SMURF1: variants seen among roughly 807,000 people sequenced by gnomAD.
The protein encoded by SMURF1 is E3 ubiquitin-protein ligase SMURF1.
Under a neutral mutation model 98.0 loss-of-function variants are expected in SMURF1, and 44 were observed. The observed-to-expected ratio is 0.45, with a 90% CI of 0.35 to 0.58. The LOEUF is 0.58. Ranked by LOEUF, SMURF1 falls within the 20% of genes least tolerant of loss-of-function variation. The pLI, the probability that SMURF1 is intolerant of heterozygous loss-of-function variation, is 0.00. For missense variants in SMURF1, 687 were observed against 938.4 expected (o/e 0.73, Z 3.50); for synonymous variants, 396 against 374.9 (o/e 1.06, Z -0.65).
rs1023998335 is a variant in SMURF1 at position 99,034,267 on chromosome 7, G to A, written c.2012-1146C>T. ...CCCACAGCACCAGCACTCCCTGTTC[G>A]GGACTGTGACCCTGGTCACCTCTGA... On this transcript the variant is annotated intron_variant, in intron 16 of 17. Transcript: ENST00000361368. Among the ~76,000 whole-genome samples, 7 of 152,196 alleles carry A rather than the reference G, an allele frequency of 4.6e-5. No individual in the cohort carries two copies. In the South Asian group the frequency reaches 1.0e-3, roughly 23 times the overall value.
At chr7:99,101,029 T>C (rs1452340767) in intron 1 of SMURF1, among the ~76,000 whole-genome samples, 2 of 152,230 alleles carry the variant, frequency 1.3e-5, no homozygotes, top group East Asian at 3.8e-4. Context: ...TTCGATAAGT[T>C]TTCCAGCCAT....
Position 99,138,907 on chromosome 7 carries a change from A to G in SMURF1, c.55+4819T>C, listed in dbSNP as rs184957439. On this transcript the variant is annotated intron_variant, in intron 1 of 17. Transcript: ENST00000361368. ...CCCATCCTACACCTTCCAATAATTCATCTCAAAGAACTGCCTTAACTGTAT... is the reference window on the plus strand; with the variant it reads ...CCCATCCTACACCTTCCAATAATTCGTCTCAAAGAACTGCCTTAACTGTAT... Among the ~76,000 whole-genome samples the G allele has an allele frequency of 1.6e-4, 25 of 152,334 alleles. No individual in the cohort carries two copies. In the East Asian group the frequency reaches 4.8e-3, roughly 29 times the overall value.
At chr7:99,124,688 C>T (rs1169613466) in intron 1 of SMURF1, among the ~76,000 whole-genome samples, 1 of 151,682 alleles carries the variant, frequency 6.6e-6, no homozygotes, top group African/African-American at 2.4e-5. Context: ...TACTAACTTA[C>T]CATTGACTGG....
chr7:99,042,058 A>C, intron 12 of SMURF1, 60 bp downstream of exon 12: 1 of 1,345,844 alleles, frequency 7.4e-7, no homozygotes. Context: ...AATGAAACTG[A>C]AAATCCATCT....
intron 13 of SMURF1, among the ~76,000 whole-genome samples, chr7:99,040,045 A>G (rs1795311367): frequency 6.6e-6 from 1 of 152,198 alleles, no homozygotes. Context: ...AAGGAAACAA[A>G]AGAAACTAGT....
chr7:99,099,860 C>G (rs191471010), intron 1 of SMURF1, among the ~76,000 whole-genome samples: 1 of 152,262 alleles, frequency 6.6e-6, no homozygotes, highest in Admixed American at 6.5e-5. Flanking sequence ...TCCCCAGATG[C>G]AAATGCTCAG....
intron 11 of SMURF1, among the ~76,000 whole-genome samples, chr7:99,043,364 C>T (rs770936675): frequency 6.6e-6 from 1 of 152,152 alleles, no homozygotes; most frequent in Admixed American, 6.5e-5. Flanking sequence ...ATCTCTCCAC[C>T]GTTCTCTAAG....
intron 15 of SMURF1, 105 bp downstream of exon 15, chr7:99,036,962 G>T: frequency 6.4e-7 from 1 of 1,556,818 alleles, no homozygotes; most frequent in Non-Finnish European, 8.8e-7. Flanking sequence ...CAGCTCCTAG[G>T]CTTACTAGAA....
chr7:99,080,936 G>C (rs1005980613), intron 1 of SMURF1: 4 of 152,222 alleles, frequency 2.6e-5, no homozygotes, highest in African/African-American at 9.7e-5. Flanking sequence ...AGAGGAGCAG[G>C]TAAGAGATCT....
chr7:99,135,432 T>C (rs1797967563), intron 1 of SMURF1, among the ~76,000 whole-genome samples: 1 of 152,254 alleles, frequency 6.6e-6, no homozygotes, highest in Non-Finnish European at 1.5e-5. Flanking sequence ...TCGTATTCTA[T>C]ACAGACCTAT....
chr7:99,040,299 G>C, intron 13 of SMURF1, 79 bp downstream of exon 13: 1 of 1,290,988 alleles, frequency 7.7e-7, no homozygotes, highest in Non-Finnish European at 1.0e-6. Context: ...ACACACGCGC[G>C]CGCGCGCGCA....
At chr7:99,120,821 A>C (rs1158387664) in intron 1 of SMURF1, 15 of 151,538 alleles carry the variant, frequency 9.9e-5, no homozygotes, top group Admixed American at 9.9e-4. Context: ...AAAAAAAAAA[A>C]CAACTTTAAA....
chr7:99,053,416 G>C (rs1301476639), intron 6 of SMURF1, among the ~76,000 whole-genome samples: 1 of 151,638 alleles, frequency 6.6e-6, no homozygotes, highest in East Asian at 1.9e-4. Flanking sequence ...CCATTATCAT[G>C]ACTAAAAAAT....
At chr7:99,083,297 T>C (rs1165184503) in intron 1 of SMURF1, among the ~76,000 whole-genome samples, 3 of 152,216 alleles carry the variant, frequency 2.0e-5, no homozygotes, top group East Asian at 3.8e-4. Context: ...CATTTTGTAC[T>C]GTTCCATTTA....
chr7:99,125,566 G>A (rs914322403), intron 1 of SMURF1, among the ~76,000 whole-genome samples: 6 of 152,118 alleles, frequency 3.9e-5, no homozygotes, highest in Admixed American at 1.3e-4. Flanking sequence ...ATTAGGTGTC[G>A]CTCTGTGTCA....
chr7:99,066,151 C>T (rs1316121793), intron 1 of SMURF1, among the ~76,000 whole-genome samples: 1 of 152,146 alleles, frequency 6.6e-6, no homozygotes, highest in African/African-American at 2.4e-5. Context: ...AAGCTCCCAA[C>T]ACAAGCTCTG....
chr7:99,051,541 G>C (rs1273562082), intron 7 of SMURF1, 100 bp from the exon 8 acceptor site: 6 of 894,422 alleles, frequency 6.7e-6, no homozygotes, highest in Non-Finnish European at 1.1e-5. Context: ...TCTAAATCTA[G>C]ATAACACTCC....
chr7:99,027,641 T>A lies in SMURF1; in HGVS notation c.*2943A>T, dbSNP rs890614152. On this transcript the variant is annotated 3_prime_UTR_variant, in exon 18 of 18. Transcript: ENST00000361368. ...CAAAATAAATCAGTGATAAAAACAG[T>A]GGGAAGGATAACAAGGATAGCAGCA... 1 of 152,436 alleles carries A rather than the reference T, an allele frequency of 6.6e-6. No individual in the cohort carries two copies. The highest frequency in any genetic ancestry group is 1.5e-5 in the Non-Finnish European group (1 of 68,004). 9.4% of individuals were successfully genotyped at this position (152,436 alleles called of 1,614,324 possible).
chr7:99,065,759 C>T (rs970578135), intron 1 of SMURF1, among the ~76,000 whole-genome samples: 4 of 152,114 alleles, frequency 2.6e-5, no homozygotes, highest in African/African-American at 9.7e-5. Flanking sequence ...ATCAAAGGCA[C>T]AAGCGAGGCT....
Sources: gnomAD v4.1 joint callset for allele counts (sites outside exome capture counted in the v4.1 genomes callset) on GRCh38, gnomAD v4.1.1 for gene constraint, MANE v1.5 for transcripts, NCBI Gene and HGNC (gene_info 2026-07-23, HGNC 2026-07-21) for gene names.